The following WSB1 variants were observed in gnomAD, a reference collection of about 807,000 sequenced individuals.
WSB1 encodes WD repeat and SOCS box-containing protein 1.
In WSB1, 23 loss-of-function variants were observed where a neutral mutation model predicts 50.2. That is an observed-to-expected ratio of 0.46 (90% CI 0.33 to 0.65). The LOEUF (loss-of-function observed/expected upper bound fraction) is 0.65, where lower values mean the gene tolerates loss of function less well. Ranked by LOEUF, WSB1 falls within the 30% of genes least tolerant of loss-of-function variation. The pLI is 0.02. For synonymous variants in WSB1, 179 were observed against 172.0 expected, an observed-to-expected ratio of 1.04 and a Z score of -0.32; for missense variants, 492 against 522.3, an observed-to-expected ratio of 0.94 and a Z score of 0.56.
Position 27,312,300 on chromosome 17 carries a change from G to A in WSB1, c.1197G>A (p.Met399Ile), listed in dbSNP as rs1282890766. ...GTCGCATGTCAATCCGAAGAGTGAT[G>A]CCCACCCAAGAAGTTCAGGAGCTGC... ...HLCRMSIRRV[M>I]PTQEVQELPI... The change falls in exon 9 of 9, where the codon ATG becomes ATA. Residue 399 changes from methionine to isoleucine, a missense_variant. Physicochemically the swap from Met to Ile is conservative, Grantham distance 10. Transcript: ENST00000262394. 1.2e-6 allele frequency: 2 copies of A among 1,614,136 alleles called. No homozygotes were observed. Among genetic ancestry groups the A allele is most frequent in the Non-Finnish European group, 1.7e-6 (2 of 1,180,028 alleles).
chr17:27,300,740 A>T, intron 1 of WSB1, among the ~76,000 whole-genome samples: 1 of 148,500 alleles, frequency 6.7e-6, no homozygotes, highest in Non-Finnish European at 1.5e-5. Context: ...CCCAGGCTGG[A>T]GTGCAGTGAT....
chr17:27,312,226 G>A lies in WSB1; in HGVS notation c.1123G>A (p.Val375Met). Reference sequence around the variant, plus strand: ...TCTGTTTAGGACACATGACGGAAGTGTGTATTTTTGGGCCACTCCACGGCA... The same window carrying A: ...TCTGTTTAGGACACATGACGGAAGTATGTATTTTTGGGCCACTCCACGGCA... ...VLAAGTHDGS[V>M]YFWATPRQVP... The change falls in exon 9 of 9, where the codon GTG (valine) becomes ATG (methionine). Residue 375 changes from valine to methionine, a missense_variant. Val to Met is a conservative substitution (Grantham distance 21). Transcript: ENST00000262394. The A allele has an allele frequency of 6.2e-7, 1 of 1,612,060 alleles. No homozygotes were observed. Among genetic ancestry groups the A allele is most frequent in the Non-Finnish European group, 8.5e-7 (1 of 1,179,536 alleles).
chr17:27,312,344 T>C lies in WSB1; in HGVS notation c.1241T>C (p.Leu414Ser). The change falls in exon 9 of 9, where the codon TTG (leucine) becomes TCG (serine). Residue 414 changes from leucine to serine, a missense_variant. Leu to Ser is a moderately radical substitution (Grantham distance 145). Transcript: ENST00000262394. ...GAGCTGCCGATTCCTTCCAAGCTTTTGGAGTTTCTCTCGTATCGTATTTAG... is the reference window on the plus strand; with the variant it reads ...GAGCTGCCGATTCCTTCCAAGCTTTCGGAGTTTCTCTCGTATCGTATTTAG... ...VQELPIPSKL[L>S]EFLSYRI 2.5e-6 allele frequency: 4 copies of C among 1,614,150 alleles called. No homozygotes were observed. The highest frequency in any genetic ancestry group is 1.1e-5 in the South Asian group (1 of 91,088).
intron 1 of WSB1, among the ~76,000 whole-genome samples, chr17:27,294,661 G>C (rs1322265850): frequency 6.6e-6 from 1 of 152,194 alleles, no homozygotes; most frequent in Non-Finnish European, 1.5e-5. Context: ...TTGCTGTGTG[G>C]CTGGGGCGGG....
intron 5 of WSB1, chr17:27,308,861 T>C: frequency 8.9e-7 from 1 of 1,128,112 alleles, no homozygotes; most frequent in Non-Finnish European, 1.1e-6. Context: ...ATTTTATGTT[T>C]AGGCTTATTT....
chr17:27,300,667 C>T (rs1271484245), intron 1 of WSB1, among the ~76,000 whole-genome samples: 1 of 151,356 alleles, frequency 6.6e-6, no homozygotes, highest in Non-Finnish European at 1.5e-5. Flanking sequence ...ATTTGAGAAT[C>T]ACAAATATAA....
rs1242051503 is a variant in WSB1, at chr17:27,296,075, C to G, written c.40+1640C>G. Among the ~76,000 whole-genome samples the G allele has an allele frequency of 2.0e-5, 3 of 152,100 alleles. No homozygotes were observed. In the East Asian group the frequency reaches 5.8e-4, roughly 29 times the overall value. ...TCTCGAACTCCCGACCTCAGGTGAT[C>G]GCCCACCTCTGCCTCCCAAAGTGCT... On this transcript the variant is annotated intron_variant, in intron 1 of 8. Coordinates refer to ENST00000262394, the MANE Select transcript of WSB1 (RefSeq NM_015626.10).
chr17:27,302,495 A>AGT (rs201480249), intron 2 of WSB1: 6,029 of 117,050 alleles, frequency 0.052, 168 homozygotes, highest in Non-Finnish European at 0.083. Context: ...GTGTCTAACA[A>AGT]GTGTATATAT....
intron 5 of WSB1, 189 bp from the exon 6 acceptor site, chr17:27,308,911 G>A: frequency 8.3e-7 from 1 of 1,206,206 alleles, no homozygotes; most frequent in South Asian, 3.8e-5. Flanking sequence ...AATAGAATTT[G>A]CATGTCTGCC....
At position 27,301,800 on chromosome 17, in the gene WSB1, C is replaced by T. The variant is rs1883789145; in HGVS notation, c.53C>T (p.Thr18Ile). 6.2e-7 allele frequency: 1 copy of T among 1,613,862 alleles called. No individual in the cohort carries two copies. The highest frequency in any genetic ancestry group is 1.3e-5 in the African/African-American group (1 of 74,902). ...TTTTTCCTTTTAGTGAGATTACGTA[C>T]TATAGGTGAACTTTTAGCTCCTGCA... Reference protein sequence around the residue: ...VNEKEIVRLRTIGELLAPAAP... With the variant: ...VNEKEIVRLRIIGELLAPAAP... The change falls in exon 2 of 9, where the codon ACT (threonine) becomes ATT (isoleucine). Residue 18 changes from threonine to isoleucine, a missense_variant. Physicochemically the swap from Thr to Ile is moderately conservative, Grantham distance 89. Transcript: ENST00000262394.
chr17:27,300,987 A>G (rs577768245), intron 1 of WSB1, among the ~76,000 whole-genome samples: 6 of 151,970 alleles, frequency 3.9e-5, no homozygotes, highest in African/African-American at 9.7e-5. Flanking sequence ...GGTTCAGGCA[A>G]TTCTCCTGCT....
chr17:27,308,925 ATTAAC>A (rs761558427), intron 5 of WSB1, 170 bp from the exon 6 acceptor site: 12 of 1,224,444 alleles, frequency 9.8e-6, no homozygotes, highest in East Asian at 3.2e-5. Context: ...GTCTGCCTTA[ATTAAC>A]TTAAAGACTG....
At chr17:27,302,123 T>G (rs117732477) in intron 2 of WSB1, 167 bp downstream of exon 2, 15,556 of 969,538 alleles carry the variant, frequency 0.016, 154 homozygotes, top group Non-Finnish European at 0.019. Context: ...TGTAAAGAAT[T>G]CTTTGGGCCG....
chr17:27,314,611 T>TTTTTGC lies in WSB1; in HGVS notation c.*2246_*2251dup. 1 of 152,298 alleles carries TTTTTGC rather than the reference T, an allele frequency of 6.6e-6. No individual in the cohort carries two copies. The highest frequency in any genetic ancestry group is 1.9e-4 in the East Asian group (1 of 5,180). 9.4% of individuals were successfully genotyped at this position (152,298 alleles called of 1,614,324 possible). A position where few individuals can be genotyped will look rare whatever the true frequency, so the allele number is the denominator to read the frequency against. The stretch of plus-strand genomic sequence containing the variant: ...CATTACTTTTCATATCATTGCATTA[T>TTTTTGC]TTTTGCTTTCCACACCAACATATCC... On this transcript the variant is annotated 3_prime_UTR_variant, in exon 9 of 9. Transcript: ENST00000262394.
rs188465642 is a variant in WSB1 at position 27,313,152 on chromosome 17, T to G, written c.*783T>G. The G allele has an allele frequency of 6.6e-6, 1 of 152,670 alleles. No homozygotes were observed. Among genetic ancestry groups the G allele is most frequent in the African/African-American group, 2.4e-5 (1 of 41,560 alleles). The allele number at this position is 152,670 out of a possible 1,614,324, so 9.5% of individuals were successfully genotyped here. On this transcript the variant is annotated 3_prime_UTR_variant, in exon 9 of 9. Transcript: ENST00000262394. Reference sequence around the variant, plus strand: ...TTTATGTACAGGGAAAAGGATTTTATTATCCTTAGGAATGTCATCCAAGAC... The same window carrying G: ...TTTATGTACAGGGAAAAGGATTTTAGTATCCTTAGGAATGTCATCCAAGAC...
At position 27,312,686 on chromosome 17, in the gene WSB1, A is replaced by G. The variant is rs1416301231; in HGVS notation, c.*317A>G. 2 of 219,800 alleles carry G rather than the reference A, an allele frequency of 9.1e-6. No homozygotes were observed. The highest frequency in any genetic ancestry group is 1.7e-3 in the Middle Eastern group (1 of 602). The allele number at this position is 219,800 out of a possible 1,614,324, so 13.6% of individuals were successfully genotyped here. On this transcript the variant is annotated 3_prime_UTR_variant, in exon 9 of 9. Coordinates refer to ENST00000262394, the MANE Select transcript of WSB1 (RefSeq NM_015626.10). ...TGATTTTTAGTTCTGACATGTATATATTGCTTCAGTAGAGCCACAATATGT... is the reference window on the plus strand; with the variant it reads ...TGATTTTTAGTTCTGACATGTATATGTTGCTTCAGTAGAGCCACAATATGT...
chr17:27,310,413 A>C (rs910881886), intron 7 of WSB1, among the ~76,000 whole-genome samples: 8 of 150,356 alleles, frequency 5.3e-5, no homozygotes, highest in Non-Finnish European at 1.0e-4. Flanking sequence ...ATTTTTAGTC[A>C]GCTTTTAGCC....
chr17:27,311,454 G>A (rs759966180), intron 7 of WSB1, 55 bp from the exon 8 acceptor site: 171 of 1,445,964 alleles, frequency 1.2e-4, no homozygotes, highest in Admixed American at 2.2e-4. Flanking sequence ...TTTTAAAAAA[G>A]TTGCTTTTAC....
chr17:27,307,894 C>G, intron 5 of WSB1: 1 of 1,441,638 alleles, frequency 6.9e-7, no homozygotes, highest in Non-Finnish European at 9.1e-7. Context: ...TTGCATTCGG[C>G]TGCAAGGTGT....
Sources: allele counts gnomAD v4.1 joint callset (sites outside exome capture counted in the v4.1 genomes callset), GRCh38; gene constraint gnomAD v4.1.1; transcripts MANE v1.5; gene names NCBI Gene and HGNC (gene_info 2026-07-23, HGNC 2026-07-21).